The following ATP8A2 variants were observed in gnomAD, a reference collection of about 807,000 sequenced individuals.
ATP8A2 encodes the protein ATPase phospholipid transporting 8A2.
In ATP8A2, 100 loss-of-function variants were observed where a neutral mutation model predicts 165.6. The observed-to-expected ratio is 0.60, with a 90% CI of 0.51 to 0.71. The LOEUF is 0.71. Among genes scored for constraint, ATP8A2 ranks in the 30% least tolerant of loss-of-function variants. The pLI, the probability that ATP8A2 is intolerant of heterozygous loss-of-function variation, is 0.00. For missense variants in ATP8A2, 1,227 were observed against 1,479.5 expected (o/e 0.83, Z 2.80); for synonymous variants, 543 against 548.8 (o/e 0.99, Z 0.15).
chr13:25,417,596 G>A (rs2034171720), intron 1 of ATP8A2, among the ~76,000 whole-genome samples: 1 of 129,892 alleles, frequency 7.7e-6, no homozygotes, highest in African/African-American at 2.9e-5. Context: ...AGACTTGTTA[G>A]GATAATTATT....
At chr13:25,619,943 T>C (rs2040927915) in intron 24 of ATP8A2, among the ~76,000 whole-genome samples, 1 of 152,146 alleles carries the variant, frequency 6.6e-6, no homozygotes, top group Non-Finnish European at 1.5e-5. Context: ...CCAATCTATA[T>C]ATACAAAGAA....
chr13:25,648,639 G>A (rs1205992135), intron 24 of ATP8A2, among the ~76,000 whole-genome samples: 1 of 152,050 alleles, frequency 6.6e-6, no homozygotes, highest in East Asian at 1.9e-4. Context: ...ACTCCAGCCT[G>A]GCAACAGAGT....
intron 33 of ATP8A2, among the ~76,000 whole-genome samples, chr13:25,939,010 T>C (rs997094714): frequency 4.6e-5 from 7 of 152,056 alleles, no homozygotes; most frequent in African/African-American, 1.4e-4. Flanking sequence ...GCCCGGCTAA[T>C]TGTTGTATTT....
chr13:25,514,512 A>G (rs1338129698), intron 2 of ATP8A2, among the ~76,000 whole-genome samples: 1 of 152,164 alleles, frequency 6.6e-6, no homozygotes, highest in East Asian at 1.9e-4. Context: ...ACATGAGTGT[A>G]TGAGGTTTGT....
chr13:25,389,595 C>T (rs903872164), intron 1 of ATP8A2, among the ~76,000 whole-genome samples: 1 of 152,184 alleles, frequency 6.6e-6, no homozygotes, highest in African/African-American at 2.4e-5. Flanking sequence ...ATTTGTGAAC[C>T]TGTTTATCAA....
chr13:25,967,915 G>A (rs1027934934), intron 34 of ATP8A2, among the ~76,000 whole-genome samples: 25 of 152,158 alleles, frequency 1.6e-4, no homozygotes, highest in African/African-American at 5.3e-4. Context: ...TCCAGGCTGC[G>A]GGTTATTTCA....
chr13:25,721,486 A>C (rs1566077471), intron 25 of ATP8A2, among the ~76,000 whole-genome samples: 1 of 152,174 alleles, frequency 6.6e-6, no homozygotes, highest in Non-Finnish European at 1.5e-5. Flanking sequence ...TCACAGTTTC[A>C]GGTTTAACAT....
intron 35 of ATP8A2, among the ~76,000 whole-genome samples, chr13:25,976,949 A>G (rs1593658423): frequency 1.3e-5 from 2 of 151,724 alleles, no homozygotes; most frequent in South Asian, 4.2e-4. Flanking sequence ...CACCATGCCC[A>G]GCTAATTTTT....
chr13:25,796,502 A>C (rs1950501094), intron 27 of ATP8A2, among the ~76,000 whole-genome samples: 1 of 152,192 alleles, frequency 6.6e-6, no homozygotes, highest in Admixed American at 6.5e-5. Flanking sequence ...CATTTTAATG[A>C]AGGAATGTCC....
In ATP8A2 at chr13:25,522,323, T is replaced by C. The variant is rs73170552; in HGVS notation, c.222-7676T>C. On this transcript the variant is annotated intron_variant, in intron 2 of 36. Transcript: ENST00000381655. Reference sequence around the variant, plus strand: ...CTGATTTTTGTATGTTGATTTTGTATCCTGCAACTTACAATCATGTCCTTT... The same window carrying C: ...CTGATTTTTGTATGTTGATTTTGTACCCTGCAACTTACAATCATGTCCTTT... Among the ~76,000 whole-genome samples, 733 of 152,344 alleles carry C rather than the reference T, an allele frequency of 4.8e-3. 2 individuals are homozygous for C. The highest frequency in any genetic ancestry group is 6.9e-3 in the Non-Finnish European group (471 of 68,028).
chr13:25,553,768 C>G, intron 11 of ATP8A2, 25 bp from the exon 12 acceptor site: 1 of 1,604,634 alleles, frequency 6.2e-7, no homozygotes, highest in African/African-American at 1.3e-5. Flanking sequence ...GAACACCTTT[C>G]AGATACTCTG....
At chr13:25,630,966 G>A (rs959614225) in intron 24 of ATP8A2, among the ~76,000 whole-genome samples, 7 of 152,134 alleles carry the variant, frequency 4.6e-5, no homozygotes, top group Admixed American at 2.0e-4. Flanking sequence ...CTGTGCTGGA[G>A]GCCATAGGTT....
chr13:25,910,064 G>A (rs959218084), intron 33 of ATP8A2, among the ~76,000 whole-genome samples: 29 of 152,158 alleles, frequency 1.9e-4, no homozygotes, highest in African/African-American at 6.0e-4. Context: ...TAGTGTTCGC[G>A]CCTGTGGCTT....
intron 25 of ATP8A2, among the ~76,000 whole-genome samples, chr13:25,727,417 A>G (rs1238452170): frequency 6.6e-6 from 1 of 152,184 alleles, no homozygotes; most frequent in Non-Finnish European, 1.5e-5. Context: ...GTCAACGCCA[A>G]GGGAGCCGCC....
intron 1 of ATP8A2, among the ~76,000 whole-genome samples, chr13:25,384,380 CT>C (rs1031954832): frequency 1.3e-5 from 2 of 152,174 alleles, no homozygotes; most frequent in Non-Finnish European, 2.9e-5. Context: ...GAGAAGTCCT[CT>C]TGTCTCATGT....
intron 1 of ATP8A2, among the ~76,000 whole-genome samples, chr13:25,465,700 TTTCTTTCTTTCTTTC>T (rs1566153182): frequency 8.6e-4 from 18 of 20,964 alleles, no homozygotes; most frequent in African/African-American, 1.9e-3. Context: ...TCTTTCTTTC[TTTCTTTCTTTCTTTC>T]TTTCTTTCTT....
At chr13:25,402,015 C>T (rs1593258684) in intron 1 of ATP8A2, among the ~76,000 whole-genome samples, 1 of 152,074 alleles carries the variant, frequency 6.6e-6, no homozygotes, top group African/African-American at 2.4e-5. Flanking sequence ...CCACTGCACC[C>T]AGCCTGGGGC....
chr13:25,857,537 G>A (rs948607614), intron 30 of ATP8A2, among the ~76,000 whole-genome samples: 1 of 148,056 alleles, frequency 6.8e-6, no homozygotes, highest in African/African-American at 2.5e-5. Flanking sequence ...CACCACACTT[G>A]GCTAATATGT....
rs1481655984 is a variant in ATP8A2 at position 25,933,283 on chromosome 13, T to G, written c.3184-28292T>G. ...CTCGCTTGGCGGGGATGTTCTTGGA[T>G]TCCCTTCCTATTTTCCCTGATGGTT... On this transcript the variant is annotated intron_variant, in intron 33 of 36. Transcript: ENST00000381655. Among the ~76,000 whole-genome samples, 3 of 152,226 alleles carry G rather than the reference T, an allele frequency of 2.0e-5. No individual in the cohort carries two copies. The East Asian group carries it at 5.8e-4, about 29-fold the overall frequency.
Sources: allele counts gnomAD v4.1 joint callset (sites outside exome capture counted in the v4.1 genomes callset), GRCh38; gene constraint gnomAD v4.1.1; transcripts MANE v1.5; gene names NCBI Gene and HGNC (gene_info 2026-07-23, HGNC 2026-07-21).